Variants in NRXN3 observed in about 807,000 individuals in gnomAD.
The protein encoded by NRXN3 is neurexin 3, also known as neurexin III.
Under a neutral mutation model 137.6 loss-of-function variants are expected in NRXN3, and 32 were observed. The observed-to-expected ratio is 0.23, with a 90% confidence interval of 0.18 to 0.31. The LOEUF (loss-of-function observed/expected upper bound fraction) is 0.31. Among genes scored for constraint, NRXN3 ranks in the 10% least tolerant of loss-of-function variants. NRXN3 has a pLI of 1.00. For missense variants in NRXN3, 1,574 were observed against 2,062.5 expected (o/e 0.76, Z 4.59); for synonymous variants, 798 against 784.5 (o/e 1.02, Z -0.29).
chr14:78,546,333 ATTTG>A (rs1368885765), intron 4 of NRXN3, among the ~76,000 whole-genome samples: 2 of 152,128 alleles, frequency 1.3e-5, no homozygotes, highest in African/African-American at 4.8e-5. Flanking sequence ...GCATTTTTGC[ATTTG>A]TTTGTAGGCC....
chr14:79,755,990 TTAC>T (rs2099018175), intron 19 of NRXN3, among the ~76,000 whole-genome samples: 1 of 152,178 alleles, frequency 6.6e-6, no homozygotes, highest in Admixed American at 6.6e-5. Flanking sequence ...TAATTTTCAT[TTAC>T]TTTCTGGCTT....
intron 20 of NRXN3, among the ~76,000 whole-genome samples, chr14:79,848,054 A>G (rs1273176251): frequency 6.6e-6 from 1 of 152,186 alleles, no homozygotes; most frequent in African/African-American, 2.4e-5. Flanking sequence ...ACAGGTCTTC[A>G]GTGTGCCTTT....
At chr14:79,058,852 ACTTCTCTCTC>A (rs2099669744) in intron 15 of NRXN3, among the ~76,000 whole-genome samples, 2 of 152,160 alleles carry the variant, frequency 1.3e-5, no homozygotes, top group Middle Eastern at 3.4e-3. Flanking sequence ...CCCTGCTTAC[ACTTCTCTCTC>A]CTGCTACCAT....
intron 16 of NRXN3, among the ~76,000 whole-genome samples, chr14:79,470,723 T>G (rs1456069688): frequency 1.3e-5 from 2 of 152,162 alleles, no homozygotes; most frequent in African/African-American, 2.4e-5. Context: ...GCTTCATTCT[T>G]TGAATATGAG....
At chr14:79,439,287 C>A (rs2095893566) in intron 15 of NRXN3, among the ~76,000 whole-genome samples, 1 of 152,204 alleles carries the variant, frequency 6.6e-6, no homozygotes, top group Non-Finnish European at 1.5e-5. Context: ...ACTCAGAAAG[C>A]ATTAAATTTT....
At chr14:79,712,282 T>C (rs1256120933) in intron 19 of NRXN3, among the ~76,000 whole-genome samples, 1 of 152,232 alleles carries the variant, frequency 6.6e-6, no homozygotes, top group Admixed American at 6.5e-5. Context: ...CTTCTGCTTC[T>C]GGAAGTAAAA....
At chr14:79,244,242 T>C (rs1422549623) in intron 15 of NRXN3, among the ~76,000 whole-genome samples, 1 of 152,140 alleles carries the variant, frequency 6.6e-6, no homozygotes, top group Non-Finnish European at 1.5e-5. Flanking sequence ...ACTATGCAGA[T>C]AAGCACATGG....
intron 19 of NRXN3, among the ~76,000 whole-genome samples, chr14:79,797,727 G>T (rs2099165239): frequency 6.6e-6 from 1 of 152,106 alleles, no homozygotes; most frequent in Non-Finnish European, 1.5e-5. Flanking sequence ...TGAGAGGGAT[G>T]GGGGAGAGAG....
chr14:79,754,921 G>A (rs893822356), intron 19 of NRXN3, among the ~76,000 whole-genome samples: 8 of 152,006 alleles, frequency 5.3e-5, no homozygotes, highest in Non-Finnish European at 1.2e-4. Context: ...GCTGCCATGC[G>A]AAGAAGGTCT....
rs556070636 is a variant in NRXN3, at chr14:79,457,967, G to A, written c.3263-9254G>A. ...AAAATGCTACAGAAAAGGCTGCTGA[G>A]TAATTATAAAATGATTACTTTTGTT... is the stretch of plus-strand genomic sequence containing the variant. On this transcript the variant is annotated intron_variant, in intron 15 of 20. Transcript: ENST00000335750. Among the ~76,000 whole-genome samples, 4 of 152,268 alleles carry A rather than the reference G, an allele frequency of 2.6e-5. No homozygotes were observed. In the East Asian group the frequency reaches 7.7e-4, roughly 29 times the overall value.
Position 78,634,012 on chromosome 14 carries a change from G to A in NRXN3, c.758-11108G>A, listed in dbSNP as rs558354200. 3.8e-3 allele frequency among the ~76,000 whole-genome samples: 584 copies of A among 152,210 alleles called. 4 individuals carry two copies. Among genetic ancestry groups the A allele is most frequent in the Middle Eastern group, 6.8e-3 (2 of 294 alleles). On this transcript the variant is annotated intron_variant, in intron 4 of 20. Transcript: ENST00000335750. ...GGCACAGATTCAGGCTTCTCAATGG[G>A]GATTTTCTTAAAGAACTAGCATGAT...
At chr14:78,964,215 C>G (rs2099413318) in intron 11 of NRXN3, among the ~76,000 whole-genome samples, 1 of 152,146 alleles carries the variant, frequency 6.6e-6, no homozygotes, top group South Asian at 2.1e-4. Context: ...CACTGTAATT[C>G]TGAGCCAATA....
intron 8 of NRXN3, among the ~76,000 whole-genome samples, chr14:78,752,819 G>C (rs368839608): frequency 4.7e-4 from 72 of 152,274 alleles, no homozygotes; most frequent in African/African-American, 1.6e-3. Flanking sequence ...TTTCACGCAG[G>C]GGGTTGTAAG....
chr14:78,889,680 G>A (rs2099153582), intron 10 of NRXN3, among the ~76,000 whole-genome samples: 1 of 151,986 alleles, frequency 6.6e-6, no homozygotes, highest in African/African-American at 2.4e-5. Context: ...CATTAATACA[G>A]AAGACAAAGC....
In NRXN3 at chr14:78,953,044, T is replaced by C. The variant is rs573329604; in HGVS notation, c.2276-4198T>C. 2.6e-5 allele frequency among the ~76,000 whole-genome samples: 4 copies of C among 152,346 alleles called. No individual in the cohort carries two copies. In the East Asian group the frequency reaches 5.8e-4, roughly 22 times the overall value. On this transcript the variant is annotated intron_variant, in intron 10 of 20. Coordinates refer to ENST00000335750, the MANE Select transcript of NRXN3 (RefSeq NM_001330195.2). ...TGTCAGGGGTAACTTGTAGTCTTGC[T>C]GCTTATATTGCTCCTGGGGGGAATA... is the stretch of plus-strand genomic sequence containing the variant.
intron 4 of NRXN3, among the ~76,000 whole-genome samples, chr14:78,501,375 G>A (rs1325254147): frequency 6.6e-6 from 1 of 152,122 alleles, no homozygotes; most frequent in Non-Finnish European, 1.5e-5. Flanking sequence ...CTCCCTCATT[G>A]CCTCACCGTG....
chr14:79,346,502 A>T (rs1024470939), intron 15 of NRXN3, among the ~76,000 whole-genome samples: 1 of 152,138 alleles, frequency 6.6e-6, no homozygotes. Flanking sequence ...GATCTTGCCA[A>T]AAAAAAGACC....
At chr14:78,333,383 T>C (rs1478407403) in intron 4 of NRXN3, among the ~76,000 whole-genome samples, 1 of 152,150 alleles carries the variant, frequency 6.6e-6, no homozygotes, top group African/African-American at 2.4e-5. Context: ...ATTCTAGGAA[T>C]TGAGGATGTA....
intron 16 of NRXN3, among the ~76,000 whole-genome samples, chr14:79,476,280 T>C (rs990000035): frequency 1.3e-5 from 2 of 152,096 alleles, no homozygotes; most frequent in African/African-American, 4.8e-5. Flanking sequence ...AACTTGTTAG[T>C]GTTTCAGGGA....
Sources: gnomAD v4.1 joint callset for allele counts (sites outside exome capture counted in the v4.1 genomes callset) on GRCh38, gnomAD v4.1.1 for gene constraint, MANE v1.5 for transcripts, NCBI Gene and HGNC (gene_info 2026-07-23, HGNC 2026-07-21) for gene names.